The following GDAP1 variants were observed in gnomAD, a reference collection of about 807,000 sequenced individuals.
GDAP1 encodes ganglioside induced differentiation associated protein 1, also known as ganglioside-induced differentiation-associated protein 1.
A neutral mutation model predicts 40.1 loss-of-function variants in GDAP1; 34 were observed. That is an observed-to-expected ratio of 0.85 (90% CI 0.64 to 1.13). The LOEUF is 1.13. Ranked by LOEUF, GDAP1 falls within the 50% of genes most tolerant of loss-of-function variation. The pLI is 0.00. For synonymous variants in GDAP1, 170 were observed against 157.4 expected, an observed-to-expected ratio of 1.08 and a Z score of -0.60; for missense variants, 374 against 433.7, an observed-to-expected ratio of 0.86 and a Z score of 1.22.
intron 2 of GDAP1, among the ~76,000 whole-genome samples, chr8:74,478,266 G>T (rs1806661112): frequency 6.6e-6 from 1 of 152,260 alleles, no homozygotes; most frequent in South Asian, 2.1e-4. Flanking sequence ...ACATGTGTTG[G>T]TGGGGAAGGA....
At chr8:74,482,413 C>A (rs143569003) in intron 2 of GDAP1, among the ~76,000 whole-genome samples, 1 of 152,096 alleles carries the variant, frequency 6.6e-6, no homozygotes, top group African/African-American at 2.4e-5. Context: ...GTTTCATTTA[C>A]TTAGTTTTCA....
intron 2 of GDAP1, among the ~76,000 whole-genome samples, chr8:74,399,445 C>T (rs201485594): frequency 1.3e-5 from 2 of 149,346 alleles, no homozygotes; most frequent in Admixed American, 6.6e-5. Context: ...TCTCTTTTCT[C>T]CTTTATTAGT....
intron 2 of GDAP1, among the ~76,000 whole-genome samples, chr8:74,393,414 T>A (rs982356949): frequency 6.6e-6 from 1 of 152,216 alleles, no homozygotes; most frequent in Non-Finnish European, 1.5e-5. Context: ...AAGATATGAA[T>A]GAAAGCCCTC....
intron 2 of GDAP1, among the ~76,000 whole-genome samples, chr8:74,469,539 G>A (rs1668779012): frequency 1.3e-5 from 2 of 151,848 alleles, no homozygotes; most frequent in Non-Finnish European, 2.9e-5. Context: ...GCGGTGGCGG[G>A]CGCCTGTAGT....
chr8:74,401,842 A>T (rs953869854), intron 2 of GDAP1, among the ~76,000 whole-genome samples: 1 of 150,116 alleles, frequency 6.7e-6, no homozygotes, highest in African/African-American at 2.5e-5. Flanking sequence ...TTGCCTGGGT[A>T]TCAGCAGCGG....
intron 2 of GDAP1, among the ~76,000 whole-genome samples, chr8:74,357,867 C>T (rs762613556): frequency 2.0e-4 from 31 of 152,096 alleles, no homozygotes; most frequent in Non-Finnish European, 4.0e-4. Context: ...AGGTACTCTA[C>T]GGAAGAACTG....
At chr8:74,486,042 T>C (rs983832294) in intron 2 of GDAP1, among the ~76,000 whole-genome samples, 7 of 152,130 alleles carry the variant, frequency 4.6e-5, no homozygotes, top group African/African-American at 1.4e-4. Context: ...AGAATTCCAC[T>C]GAAGGGGAAA....
rs1369145536 is a variant in GDAP1 at position 74,366,751 on chromosome 8, G to A, written c.*2384G>A. Reference sequence around the variant, plus strand: ...TCATAAATTGCTTGCTCAATTTTTAGTAATTATTGCTGTTGACACCAGCGT... The same window carrying A: ...TCATAAATTGCTTGCTCAATTTTTAATAATTATTGCTGTTGACACCAGCGT... On this transcript the variant is annotated 3_prime_UTR_variant, in exon 6 of 6. Coordinates refer to ENST00000220822, the MANE Select transcript of GDAP1 (RefSeq NM_018972.4). 2.2e-6 allele frequency: 1 copy of A among 453,512 alleles called. No individual in the cohort carries two copies. The allele number at this position is 453,512 out of a possible 1,614,324, so 28.1% of individuals were successfully genotyped here. A position where few individuals can be genotyped will look rare whatever the true frequency, so the allele number is the denominator to read the frequency against.
At chr8:74,410,427 AT>A (rs1301702697) in intron 2 of GDAP1, among the ~76,000 whole-genome samples, 1 of 150,264 alleles carries the variant, frequency 6.7e-6, no homozygotes, top group Non-Finnish European at 1.5e-5. Flanking sequence ...AACATGAAAT[AT>A]TAGACAAGAC....
At chr8:74,388,048 A>G (rs1029132172) in intron 2 of GDAP1, among the ~76,000 whole-genome samples, 3 of 151,924 alleles carry the variant, frequency 2.0e-5, no homozygotes, top group Non-Finnish European at 2.9e-5. Context: ...TATTGTGTGT[A>G]TTTGATTCTT....
intron 2 of GDAP1, among the ~76,000 whole-genome samples, chr8:74,384,862 A>G (rs1279698992): frequency 6.6e-6 from 1 of 152,184 alleles, no homozygotes; most frequent in East Asian, 1.9e-4. Flanking sequence ...TGCCCATTTT[A>G]TTTATAGCTG....
chr8:74,361,123 G>T (rs1809341311), intron 3 of GDAP1, among the ~76,000 whole-genome samples: 1 of 148,846 alleles, frequency 6.7e-6, no homozygotes. Context: ...CTCTCTTCCT[G>T]CTTCTCTTTC....
intron 2 of GDAP1, among the ~76,000 whole-genome samples, chr8:74,428,888 C>G (rs527587552): frequency 7.0e-6 from 1 of 143,348 alleles, no homozygotes; most frequent in Non-Finnish European, 1.5e-5. Context: ...CAACAGGCCC[C>G]GGTGTGTGAT....
intron 2 of GDAP1, among the ~76,000 whole-genome samples, chr8:74,417,738 CAA>C (rs1255020116): frequency 1.4e-5 from 1 of 70,718 alleles, no homozygotes; most frequent in Non-Finnish European, 2.4e-5. Flanking sequence ...GCCTGAGCAA[CAA>C]GAGTGAAACT....
In GDAP1 at chr8:74,427,750, A is replaced by C. The variant is rs187079087; in HGVS notation, c.166-60928A>C. 3.7e-3 allele frequency among the ~76,000 whole-genome samples: 566 copies of C among 152,316 alleles called. 1 individual carries two copies. The highest frequency in any genetic ancestry group is 6.4e-3 in the Non-Finnish European group (435 of 68,024). On this transcript the variant is annotated intron_variant, in intron 2 of 2. Coordinates refer to the GDAP1 transcript ENST00000523640. Reference sequence around the variant, plus strand: ...TCAATTTTTCTGTTCAGTGCTCATCAAGAAGAAAATAGTAAGAAACTGGGT... The same window carrying C: ...TCAATTTTTCTGTTCAGTGCTCATCCAGAAGAAAATAGTAAGAAACTGGGT...
chr8:74,439,051 T>TGC (rs1480394469), intron 2 of GDAP1, among the ~76,000 whole-genome samples: 2 of 151,928 alleles, frequency 1.3e-5, no homozygotes, highest in African/African-American at 2.4e-5. Context: ...TGTGTGTGTG[T>TGC]GTGTGTATAT....
At chr8:74,466,325 AGGGT>A (rs1806469343) in intron 2 of GDAP1, among the ~76,000 whole-genome samples, 1 of 152,170 alleles carries the variant, frequency 6.6e-6, no homozygotes, top group African/African-American at 2.4e-5. Context: ...ATAGCTTTGG[AGGGT>A]TTTAGGGAAA....
At position 74,451,535 on chromosome 8, in the gene GDAP1, A is replaced by T. The variant is rs1471401518; in HGVS notation, c.166-37143A>T. 8.4e-4 allele frequency among the ~76,000 whole-genome samples: 70 copies of T among 83,654 alleles called. 29 individuals carry two copies. Among genetic ancestry groups the T allele is most frequent in the Admixed American group, 4.8e-3 (40 of 8,334 alleles). The allele number at this position is 83,654 out of a possible 152,430, so 54.9% of individuals were successfully genotyped here. ...TAAGTACATTTTTACCATTAAAAAAATTTTTTTATAGACCTGAGTTTCCAT... is the reference window on the plus strand; with the variant it reads ...TAAGTACATTTTTACCATTAAAAAATTTTTTTTATAGACCTGAGTTTCCAT... On this transcript the variant is annotated intron_variant, in intron 2 of 2. Coordinates refer to the GDAP1 transcript ENST00000523640.
intron 2 of GDAP1, among the ~76,000 whole-genome samples, chr8:74,418,454 G>T (rs1257455311): frequency 1.3e-5 from 2 of 152,118 alleles, no homozygotes; most frequent in African/African-American, 4.8e-5. Context: ...AATGTTTTTG[G>T]CAAGTAGTAT....
Sources: allele counts gnomAD v4.1 joint callset (sites outside exome capture counted in the v4.1 genomes callset), GRCh38; gene constraint gnomAD v4.1.1; transcripts MANE v1.5; gene names NCBI Gene and HGNC (gene_info 2026-07-23, HGNC 2026-07-21).